The following INAVA variants were observed in gnomAD, a reference collection of about 807,000 sequenced individuals.
INAVA encodes the protein innate immunity activator protein.
In INAVA, 32 loss-of-function variants were observed where a neutral mutation model predicts 55.3. The ratio of observed to expected loss-of-function variants is 0.58; its 90% CI spans 0.44 to 0.78. The LOEUF is 0.78. INAVA is among the 30% of genes least tolerant of loss of function. INAVA has a pLI of 0.00. For synonymous variants in INAVA, 294 were observed against 329.4 expected (o/e 0.89, Z 1.16); for missense variants, 756 against 786.4 (o/e 0.96, Z 0.46).
At chr1:200,899,377 G>A (rs1653128757) in intron 2 of INAVA, 96 bp from the exon 3 acceptor site, 1 of 1,496,626 alleles carries the variant, frequency 6.7e-7, no homozygotes, top group Non-Finnish European at 9.1e-7. Flanking sequence ...GTGTGTGCAT[G>A]TGTGTGCATG....
At chr1:200,908,640 G>T (rs1653587823) in intron 6 of INAVA, 90 bp from the exon 7 acceptor site, 1 of 1,105,364 alleles carries the variant, frequency 9.0e-7, no homozygotes, top group Admixed American at 2.4e-5. Context: ...GGGAGGGAGA[G>T]CGGCGAGGCA....
chr1:200,908,726 G>C lies in INAVA; in HGVS notation c.575-4G>C, dbSNP rs368540470. On this transcript the variant is annotated splice_polypyrimidine_tract_variant and splice_region_variant and intron_variant, in intron 6 of 9. Coordinates refer to ENST00000413687, the MANE Select transcript of INAVA (RefSeq NM_001142569.3). ...GCCTTACCAGGTTTCTTTTACTCCTGCAGAGGAATCCCAAGTGCCAAAACC... is the reference window on the plus strand; with the variant it reads ...GCCTTACCAGGTTTCTTTTACTCCTCCAGAGGAATCCCAAGTGCCAAAACC... 8 of 1,559,034 alleles carry C rather than the reference G, an allele frequency of 5.1e-6. No individual in the cohort carries two copies. The African/African-American group carries it at 6.9e-5, about 13-fold the overall frequency.
At position 200,908,250 on chromosome 1, in the gene INAVA, G is replaced by C. The variant is rs1048029686; in HGVS notation, c.574+363G>C. 4 of 233,412 alleles carry C rather than the reference G, an allele frequency of 1.7e-5. No individual in the cohort carries two copies. The South Asian group carries it at 2.8e-4, about 16-fold the overall frequency. 14.5% of individuals were successfully genotyped at this position (233,412 alleles called of 1,614,324 possible). A position where few individuals can be genotyped will look rare whatever the true frequency, so the allele number is the denominator to read the frequency against. On this transcript the variant is annotated intron_variant, in intron 6 of 9. Coordinates refer to ENST00000413687, the MANE Select transcript of INAVA (RefSeq NM_001142569.3). ...CAATCATTGCTGTTTTTTAAAAGAAGGGAGCAGGAAGGAAACACAAGTCTA... is the reference window on the plus strand; with the variant it reads ...CAATCATTGCTGTTTTTTAAAAGAACGGAGCAGGAAGGAAACACAAGTCTA...
At chr1:200,909,056 C>T (rs927888661) in intron 7 of INAVA, 116 bp downstream of exon 7, 2 of 1,316,618 alleles carry the variant, frequency 1.5e-6, no homozygotes, top group Admixed American at 5.5e-5. Flanking sequence ...GGAGAGAGCT[C>T]CTGCAGTCGT....
In INAVA at chr1:200,909,388, A is replaced by G. The variant is rs1450880086; in HGVS notation, c.950A>G (p.Gln317Arg). The change falls in exon 8 of 10, where the codon CAG becomes CGG. Residue 317 changes from glutamine to arginine, a missense_variant. Around this residue, in one of 2 missense-constraint regions of INAVA, gnomAD observed 639 missense variants for 624.3 expected, o/e 1.02. Transcript: ENST00000413687. Reference protein sequence around the residue: ...PEIQGRRGQSQSLRVDSFRAG... With the variant: ...PEIQGRRGQSRSLRVDSFRAG... ...ATACAGGGGAGGAGGGGCCAGTCGC[A>G]GTCTCTGAGGTAAGAGACAGCTTCC... 1 of 1,598,592 alleles carries G rather than the reference A, an allele frequency of 6.3e-7. No homozygotes were observed. The highest frequency in any genetic ancestry group is 2.3e-5 in the East Asian group (1 of 44,434).
intron 5 of INAVA, among the ~76,000 whole-genome samples, chr1:200,904,919 A>G (rs572315259): frequency 6.6e-6 from 1 of 152,188 alleles, no homozygotes; most frequent in African/African-American, 2.4e-5. Flanking sequence ...CAAAACAAAA[A>G]AACTATTTTA....
At chr1:200,899,857 C>T (rs750864702) in intron 3 of INAVA, among the ~76,000 whole-genome samples, 19 of 152,178 alleles carry the variant, frequency 1.2e-4, no homozygotes, top group Non-Finnish European at 1.0e-4. Context: ...GACATAAGTG[C>T]ATATGAGTGC....
Position 200,913,543 on chromosome 1 carries a change from A to C in INAVA, c.1651A>C (p.Thr551Pro), listed in dbSNP as rs1406093847. The C allele has an allele frequency of 1.9e-6, 3 of 1,613,876 alleles. No homozygotes were observed. The highest frequency in any genetic ancestry group is 2.5e-6 in the Non-Finnish European group (3 of 1,179,892). ...RALGPRAQVP[T>P]VCVLRRSPDG... The stretch of plus-strand genomic sequence containing the variant: ...TTCTTCCTGACCCTGGCAGGTGCCC[A>C]CAGTTTGTGTGCTGCGGAGATCGCC... Residue 551 changes from threonine (T) to proline (P), a missense_variant, in exon 10 of 10, where the codon ACA becomes CCA. Thr to Pro is a conservative substitution (Grantham distance 38). Transcript: ENST00000413687.
At position 200,899,500 on chromosome 1, in the gene INAVA, A is replaced by C; in HGVS notation, c.83A>C (p.Lys28Thr). The C allele has an allele frequency of 6.2e-7, 1 of 1,614,046 alleles. No homozygotes were observed. The highest frequency in any genetic ancestry group is 1.1e-5 in the South Asian group (1 of 91,078). The change falls in exon 3 of 10, where the codon AAG (lysine) becomes ACG (threonine). Residue 28 changes from lysine to threonine, a missense_variant. Coordinates refer to ENST00000413687, the MANE Select transcript of INAVA (RefSeq NM_001142569.3). ...CCCGACAGCCCGGTCTCCCCAATGA[A>C]GGAGCTGACCCATGCAGTGCACAAG... Reference protein sequence around the residue: ...SGPDSPVSPMKELTHAVHKQQ... With the variant: ...SGPDSPVSPMTELTHAVHKQQ...
chr1:200,905,045 T>C (rs1653425130), intron 5 of INAVA, among the ~76,000 whole-genome samples: 2 of 152,042 alleles, frequency 1.3e-5, no homozygotes, highest in South Asian at 2.1e-4. Flanking sequence ...CCAATGAAAA[T>C]CTTTATTCCT....
intron 5 of INAVA, among the ~76,000 whole-genome samples, 184 bp from the exon 6 acceptor site, chr1:200,907,650 C>T (rs554583333): frequency 2.8e-4 from 42 of 147,572 alleles, no homozygotes; most frequent in African/African-American, 1.0e-3. Flanking sequence ...CAGGGTAAGA[C>T]CCTGTCTCTT....
rs777677539 is a variant in INAVA at position 200,911,573 on chromosome 1, G to A, written c.1080G>A (p.Leu360=). The A allele has an allele frequency of 7.6e-5, 123 of 1,612,748 alleles. No homozygotes were observed. The highest frequency in any genetic ancestry group is 1.0e-4 in the Non-Finnish European group (121 of 1,179,712). ...DSCFPATKPP[L]PHAACHSCSE... ...GCTTTCCCGCGACCAAGCCCCCGCT[G>A]CCCCACGCCGCCTGCCACTCCTGCT... Residue 360 remains leucine (L), a synonymous_variant, in exon 9 of 10, where the codon CTG becomes CTA. Coordinates refer to ENST00000413687, the MANE Select transcript of INAVA (RefSeq NM_001142569.3).
At chr1:200,905,366 G>T (rs1419340603) in intron 5 of INAVA, among the ~76,000 whole-genome samples, 1 of 152,118 alleles carries the variant, frequency 6.6e-6, no homozygotes, top group African/African-American at 2.4e-5. Context: ...GACCACACAG[G>T]GAGACCCTGT....
chr1:200,901,146 C>T lies in INAVA; in HGVS notation c.507C>T (p.Leu169=), dbSNP rs767992876. 3.3e-5 allele frequency: 50 copies of T among 1,515,834 alleles called. No homozygotes were observed. In the Middle Eastern group the frequency reaches 1.4e-3, roughly 42 times the overall value. 93.9% of individuals were successfully genotyped at this position (1,515,834 alleles called of 1,614,324 possible). ...RNSEPPPAAA[L]PLGRELSASD... ...GCGAGCCACCTCCGGCTGCTGCTCT[C>T]CCCCTGGGCCGAGGTGAGCCGGCTG... Residue 169 remains leucine (L), a synonymous_variant, in exon 5 of 10, where the codon CTC becomes CTT. Coordinates refer to ENST00000413687, the MANE Select transcript of INAVA (RefSeq NM_001142569.3).
At chr1:200,901,479 G>T (rs1384480713) in intron 5 of INAVA, among the ~76,000 whole-genome samples, 1 of 152,364 alleles carries the variant, frequency 6.6e-6, no homozygotes, top group Middle Eastern at 3.4e-3. Context: ...ATTCAACTGG[G>T]TAGCCCAGGC....
At chr1:200,898,196 G>C (rs1487504875) in intron 1 of INAVA, 111 bp from the exon 2 acceptor site, 1 of 1,216,140 alleles carries the variant, frequency 8.2e-7, no homozygotes, top group Non-Finnish European at 1.1e-6. Context: ...GATGGTTCCT[G>C]AAGCACAGTC....
chr1:200,903,545 C>G lies in INAVA; in HGVS notation c.520+2386C>G, dbSNP rs186592539. 1.6e-4 allele frequency among the ~76,000 whole-genome samples: 25 copies of G among 152,010 alleles called. No homozygotes were observed. In the East Asian group the frequency reaches 4.1e-3, roughly 25 times the overall value. On this transcript the variant is annotated intron_variant, in intron 5 of 9. Coordinates refer to ENST00000413687, the MANE Select transcript of INAVA (RefSeq NM_001142569.3). ...GGAGGCCAGGTGCAGTGGCTCACAC[C>G]TGTAATCCCAGCACTTTGGGAGGCC... is the stretch of plus-strand genomic sequence containing the variant.
At chr1:200,896,108 C>T (rs1668345148) in intron 1 of INAVA, among the ~76,000 whole-genome samples, 1 of 152,090 alleles carries the variant, frequency 6.6e-6, no homozygotes, top group African/African-American at 2.4e-5. Flanking sequence ...CCTGTAAGTC[C>T]CCACTCCTCT....
At chr1:200,904,880 G>A (rs1035827618) in intron 5 of INAVA, among the ~76,000 whole-genome samples, 1 of 152,052 alleles carries the variant, frequency 6.6e-6, no homozygotes, top group African/African-American at 2.4e-5. Context: ...ACAGTCATGT[G>A]CCACCACACC....
Sources: allele counts gnomAD v4.1 joint callset (sites outside exome capture counted in the v4.1 genomes callset), GRCh38; gene constraint gnomAD v4.1.1; regional missense constraint gnomAD v4.1.1; transcripts MANE v1.5; gene names NCBI Gene and HGNC (gene_info 2026-07-23, HGNC 2026-07-21).